The following LMO7 variants were observed in gnomAD, a reference collection of about 807,000 sequenced individuals.
The protein encoded by LMO7 is LIM domain only protein 7.
A neutral mutation model predicts 206.5 loss-of-function variants in LMO7; 120 were observed. The ratio of observed to expected loss-of-function variants is 0.58; its 90% confidence interval spans 0.50 to 0.68. The LOEUF is 0.68. Among genes scored for constraint, LMO7 ranks in the 30% least tolerant of loss-of-function variants. The pLI, the probability that LMO7 is intolerant of heterozygous loss-of-function variation, is 0.00. For synonymous variants in LMO7, 706 were observed against 681.5 expected (o/e 1.04, Z -0.56); for missense variants, 1,959 against 1,957.9 (o/e 1.00, Z -0.01).
intron 1 of LMO7, among the ~76,000 whole-genome samples, chr13:75,663,655 C>T (rs2038848288): frequency 6.6e-6 from 1 of 152,156 alleles, no homozygotes; most frequent in Non-Finnish European, 1.5e-5. Flanking sequence ...TGGTCTCGAT[C>T]TCATGACCTT....
intron 3 of LMO7, among the ~76,000 whole-genome samples, chr13:75,741,557 G>A (rs1305291203): frequency 1.3e-5 from 2 of 152,170 alleles, no homozygotes; most frequent in South Asian, 2.1e-4. Flanking sequence ...TTTATTGCTA[G>A]GATGCAAGGT....
intron 3 of LMO7, among the ~76,000 whole-genome samples, chr13:75,760,050 TTTC>T (rs145083023): frequency 0.046 from 6,965 of 151,958 alleles, 395 homozygotes; most frequent in African/African-American, 0.13. Flanking sequence ...AGTGTTTTCT[TTTC>T]TTCTTCTTTT....
At chr13:75,697,030 C>T (rs1452584433) in intron 1 of LMO7, among the ~76,000 whole-genome samples, 6 of 152,082 alleles carry the variant, frequency 3.9e-5, no homozygotes, top group Non-Finnish European at 8.8e-5. Flanking sequence ...AACACATGTG[C>T]ACGGGTTGGA....
intron 2 of LMO7, among the ~76,000 whole-genome samples, chr13:75,726,758 A>T (rs1337275552): frequency 6.6e-6 from 1 of 152,110 alleles, no homozygotes; most frequent in Non-Finnish European, 1.5e-5. Flanking sequence ...TTAATGTGAA[A>T]CTAACTCTTT....
In LMO7 at chr13:75,761,050, C is replaced by T; in HGVS notation, c.317+12C>T. 6.6e-7 allele frequency: 1 copy of T among 1,505,130 alleles called. No homozygotes were observed. The highest frequency in any genetic ancestry group is 9.1e-7 in the Non-Finnish European group (1 of 1,104,846). The allele number at this position is 1,505,130 out of a possible 1,614,324, so 93.2% of individuals were successfully genotyped here. A position where few individuals can be genotyped will look rare whatever the true frequency, so the allele number is the denominator to read the frequency against. ...CGAGTCACTGTCAAGTAAGTTTCAA[C>T]AGTTTGTTAGATATATATATATATA... On this transcript the variant is annotated intron_variant, in intron 4 of 30. Coordinates refer to ENST00000377534, the MANE Select transcript of LMO7 (RefSeq NM_001306080.2).
At chr13:75,772,388 T>C (rs1366463047) in intron 4 of LMO7, among the ~76,000 whole-genome samples, 2 of 152,128 alleles carry the variant, frequency 1.3e-5, no homozygotes, top group African/African-American at 4.8e-5. Context: ...AGCTATTAAA[T>C]GTATAAGTGA....
chr13:75,677,024 G>C (rs1336346475), intron 1 of LMO7, among the ~76,000 whole-genome samples: 2 of 152,032 alleles, frequency 1.3e-5, no homozygotes, highest in Admixed American at 1.3e-4. Context: ...TTAAAAAAAG[G>C]CTTTTAAGAC....
chr13:75,813,305 A>T (rs74487399), intron 11 of LMO7, among the ~76,000 whole-genome samples: 2,351 of 152,320 alleles, frequency 0.015, 28 homozygotes, highest in Non-Finnish European at 0.023. Context: ...GAGATCCCAA[A>T]CAATCATGTT....
At chr13:75,842,982 C>T in intron 25 of LMO7, 66 bp downstream of exon 25, 1 of 1,004,350 alleles carries the variant, frequency 1.0e-6, no homozygotes, top group South Asian at 1.3e-5. Context: ...CCAGAGCTTG[C>T]ATCGATGATT....
chr13:75,805,653 T>TATTC lies in LMO7; in HGVS notation c.1089_1090insATTC (p.Ala364IlefsTer4). 1 of 1,614,066 alleles carries TATTC rather than the reference T, an allele frequency of 6.2e-7. No homozygotes were observed. The highest frequency in any genetic ancestry group is 8.5e-7 in the Non-Finnish European group (1 of 1,179,894). On this transcript the variant is annotated frameshift_variant, in exon 9 of 31. Transcript: ENST00000377534. LOFTEE classifies it high-confidence loss of function. ...GTCCAGTCATGCCAAACCCAGGGAA[T>TATTC]GCTTTTGATCAGTTTCTTCCCAAAT... is the stretch of plus-strand genomic sequence containing the variant.
intron 8 of LMO7, chr13:75,804,952 C>CG: frequency 1.0e-6 from 1 of 1,002,522 alleles, no homozygotes. Context: ...CATGGGGAGG[C>CG]GTACGGTTTT....
intron 4 of LMO7, among the ~76,000 whole-genome samples, chr13:75,789,726 G>A (rs1482196872): frequency 2.0e-5 from 3 of 152,144 alleles, no homozygotes; most frequent in African/African-American, 7.2e-5. Flanking sequence ...GGTGCTGGGT[G>A]CATGTGCATG....
chr13:75,742,836 C>G (rs1384052362), intron 3 of LMO7, among the ~76,000 whole-genome samples: 1 of 151,982 alleles, frequency 6.6e-6, no homozygotes, highest in South Asian at 2.1e-4. Flanking sequence ...GACAAAGATG[C>G]CAAAAGCAAT....
intron 1 of LMO7, among the ~76,000 whole-genome samples, chr13:75,687,894 A>G (rs2041148163): frequency 6.6e-6 from 1 of 152,152 alleles, no homozygotes; most frequent in Admixed American, 6.5e-5. Context: ...TGTAGCTCCC[A>G]TAATCCCCAC....
intron 2 of LMO7, among the ~76,000 whole-genome samples, chr13:75,717,380 A>C (rs55944063): frequency 0.024 from 3,542 of 148,658 alleles, 66 homozygotes; most frequent in African/African-American, 0.032. Context: ...AAAAAAAAAA[A>C]ACACACAAAC....
intron 4 of LMO7, among the ~76,000 whole-genome samples, chr13:75,779,823 C>T (rs917173505): frequency 2.0e-5 from 3 of 152,058 alleles, no homozygotes; most frequent in African/African-American, 7.2e-5. Context: ...ATTGGGGGAA[C>T]CAGCCCCCAA....
At chr13:75,711,409 G>A (rs1303476614) in intron 1 of LMO7, among the ~76,000 whole-genome samples, 1 of 152,148 alleles carries the variant, frequency 6.6e-6, no homozygotes, top group Non-Finnish European at 1.5e-5. Context: ...GTAGTATTTG[G>A]CTGTGAATCC....
Position 75,831,797 on chromosome 13 carries a change from T to C in LMO7, c.2950-1254T>C, listed in dbSNP as rs12584398. Among the ~76,000 whole-genome samples, 20 of 152,154 alleles carry C rather than the reference T, an allele frequency of 1.3e-4. No individual in the cohort carries two copies. In the East Asian group the frequency reaches 3.8e-3, roughly 29 times the overall value. ...GGCAGATCCTCATGACCCAAACACC[T>C]GTTAAAGGTAACACTTCCCAGCACT... is the stretch of plus-strand genomic sequence containing the variant. On this transcript the variant is annotated intron_variant, in intron 15 of 30. Coordinates refer to ENST00000377534, the MANE Select transcript of LMO7 (RefSeq NM_001306080.2).
At chr13:75,704,065 C>T (rs890296526) in intron 1 of LMO7, among the ~76,000 whole-genome samples, 2 of 152,020 alleles carry the variant, frequency 1.3e-5, no homozygotes, top group African/African-American at 4.8e-5. Context: ...ATGGTTGTTT[C>T]GACAATGAAG....
Sources: allele counts gnomAD v4.1 joint callset (sites outside exome capture counted in the v4.1 genomes callset), GRCh38; gene constraint gnomAD v4.1.1; transcripts MANE v1.5; gene names NCBI Gene and HGNC (gene_info 2026-07-23, HGNC 2026-07-21).